Variants in COL5A1 observed in about 807,000 individuals in gnomAD.
COL5A1 encodes collagen alpha-1(V) chain.
Under a neutral mutation model 263.7 loss-of-function variants are expected in COL5A1, and 16 were observed. The ratio of observed to expected loss-of-function variants is 0.06; its 90% confidence interval spans 0.04 to 0.09. The LOEUF is 0.09. Among genes scored for constraint, COL5A1 ranks in the 10% least tolerant of loss-of-function variants. The probability of loss-of-function intolerance (pLI) is 1.00; values close to 1 mark genes in which losing one functional copy is unlikely to be tolerated. For synonymous variants in COL5A1, 1,012 were observed against 1,004.5 expected, an observed-to-expected ratio of 1.01 and a Z score of -0.14; for missense variants, 2,036 against 2,540.5, an observed-to-expected ratio of 0.80 and a Z score of 4.27.
chr9:134,646,547 C>T (rs1054217699), intron 1 of COL5A1, among the ~76,000 whole-genome samples: 11 of 152,316 alleles, frequency 7.2e-5, no homozygotes, highest in African/African-American at 2.4e-4. Flanking sequence ...TTGGCAGGTG[C>T]TCCCAGTATC....
At chr9:134,777,779 G>A (rs757127525) in intron 27 of COL5A1, among the ~76,000 whole-genome samples, 1 of 152,200 alleles carries the variant, frequency 6.6e-6, no homozygotes, top group Non-Finnish European at 1.5e-5. Flanking sequence ...CCCGGGTGCT[G>A]TGCCAGGGAG....
intron 31 of COL5A1, among the ~76,000 whole-genome samples, chr9:134,786,793 C>G (rs61596734): frequency 1.3e-5 from 2 of 152,258 alleles, no homozygotes; most frequent in South Asian, 4.1e-4. Flanking sequence ...ACAGCCGAAG[C>G]GGGGTCCCGT....
At chr9:134,778,133 GC>G (rs1473390081) in intron 27 of COL5A1, among the ~76,000 whole-genome samples, 6 of 152,208 alleles carry the variant, frequency 3.9e-5, no homozygotes, top group Non-Finnish European at 8.8e-5. Context: ...GTTTTCTGGG[GC>G]CCCCAGCTCT....
intron 19 of COL5A1, 81 bp downstream of exon 19, chr9:134,762,059 G>A (rs1836467399): frequency 3.4e-6 from 5 of 1,472,132 alleles, no homozygotes; most frequent in Non-Finnish European, 4.7e-6. Context: ...CAGAAGAGAG[G>A]CCCAGGTGTG....
chr9:134,826,804 G>A (rs1182580457), intron 63 of COL5A1, among the ~76,000 whole-genome samples: 1 of 149,842 alleles, frequency 6.7e-6, no homozygotes, highest in Non-Finnish European at 1.5e-5. Context: ...TGTGGCTGGT[G>A]CAGGTGTGTG....
At position 134,661,431 on chromosome 9, in the gene COL5A1, G is replaced by A. The variant is rs77361661; in HGVS notation, c.109+19135G>A. 5.9e-3 allele frequency among the ~76,000 whole-genome samples: 899 copies of A among 151,944 alleles called. 5 individuals are homozygous for A. Among genetic ancestry groups the A allele is most frequent in the Non-Finnish European group, 8.7e-3 (594 of 67,976 alleles). ...ACAGGAGCCTCCAGTCCTGTGGGCA[G>A]ATGCTGACGGATGGGCTGATGGCTC... is the stretch of plus-strand genomic sequence containing the variant. On this transcript the variant is annotated intron_variant, in intron 1 of 65. Transcript: ENST00000371817.
intron 4 of COL5A1, chr9:134,708,657 C>T (rs763856269): frequency 7.7e-6 from 4 of 518,538 alleles, no homozygotes; most frequent in African/African-American, 1.9e-5. Flanking sequence ...GGCCCCTTGT[C>T]GTGTCTTCAG....
Position 134,753,713 on chromosome 9 carries a change from AGGTCGCGCTTTGTGTGCTGAGCACCG to A in COL5A1, c.1720-136_1720-111del. 2.3e-5 allele frequency: 16 copies of A among 692,202 alleles called. No individual in the cohort carries two copies. The South Asian group carries it at 2.4e-4, about 11-fold the overall frequency. The allele number at this position is 692,202 out of a possible 1,614,324, so 42.9% of individuals were successfully genotyped here. On this transcript the variant is annotated intron_variant, in intron 14 of 65. Coordinates refer to ENST00000371817, the MANE Select transcript of COL5A1 (RefSeq NM_000093.5). ...CCCCCCGGTTCTGTTCGAGGCAGAC[AGGTCGCGCTTTGTGTGCTGAGCACCG>A]TGGCCGAAGCCCTGTCCCCTCCCCC...
chr9:134,778,462 C>G (rs1195979501), intron 27 of COL5A1, among the ~76,000 whole-genome samples: 1 of 152,356 alleles, frequency 6.6e-6, no homozygotes, highest in African/African-American at 2.4e-5. Flanking sequence ...CGCTTCCTCT[C>G]CATCTTGAGG....
chr9:134,791,722 C>T (rs1837697493), intron 32 of COL5A1, among the ~76,000 whole-genome samples: 1 of 143,794 alleles, frequency 7.0e-6, no homozygotes, highest in Non-Finnish European at 1.5e-5. Flanking sequence ...CAGGTTTCGC[C>T]CTTGGCCGCC....
intron 9 of COL5A1, among the ~76,000 whole-genome samples, chr9:134,734,343 G>A (rs3109680): frequency 0.57 from 86,338 of 150,676 alleles, 25,941 homozygotes; most frequent in African/African-American, 0.77. Context: ...AGCCGTCTGG[G>A]TGCAGTTAGG....
chr9:134,728,861 AG>A, intron 6 of COL5A1, 54 bp downstream of exon 6: 1 of 1,610,532 alleles, frequency 6.2e-7, no homozygotes, highest in South Asian at 1.1e-5. Flanking sequence ...GCCATGGTGC[AG>A]GGGAGGGCGA....
chr9:134,753,981 C>A, intron 15 of COL5A1, 78 bp downstream of exon 15: 1 of 1,244,114 alleles, frequency 8.0e-7, no homozygotes, highest in East Asian at 2.3e-5. Flanking sequence ...CATGGAGGGA[C>A]CCCAACTGCT....
chr9:134,806,345 G>A (rs201059243), intron 42 of COL5A1, 49 bp downstream of exon 42: 1 of 1,327,040 alleles, frequency 7.5e-7, no homozygotes, highest in Non-Finnish European at 1.1e-6. Context: ...AGATGCTGGG[G>A]TCGTTCCGTG....
chr9:134,818,936 G>A lies in COL5A1; in HGVS notation c.4392+35G>A. 4 of 1,613,112 alleles carry A rather than the reference G, an allele frequency of 2.5e-6. No homozygotes were observed. Among genetic ancestry groups the A allele is most frequent in the South Asian group, 1.1e-5 (1 of 91,080 alleles). On this transcript the variant is annotated intron_variant, in intron 56 of 65. Transcript: ENST00000371817. The surrounding 1 kb of genome is among the most constrained non-coding windows in gnomAD (Gnocchi z 6.0). ...ATTCCTCATGGTGAGCATAGCGGGT[G>A]GGATGACTTCGCCACCCAAAGCCCC...
chr9:134,745,364 C>T (rs2132669315), intron 11 of COL5A1, among the ~76,000 whole-genome samples: 1 of 152,294 alleles, frequency 6.6e-6, no homozygotes, highest in Non-Finnish European at 1.5e-5. Context: ...GTGCACTATG[C>T]TGTAGGACCC....
At chr9:134,828,160 G>A (rs945527068) in intron 63 of COL5A1, among the ~76,000 whole-genome samples, 1 of 152,172 alleles carries the variant, frequency 6.6e-6, no homozygotes, top group South Asian at 2.1e-4. Flanking sequence ...GGCTCCCCTT[G>A]TCCTGTTTTT....
At chr9:134,771,779 G>C (rs1049180380) in intron 25 of COL5A1, among the ~76,000 whole-genome samples, 1 of 152,178 alleles carries the variant, frequency 6.6e-6, no homozygotes, top group African/African-American at 2.4e-5. Context: ...CACACAGCAG[G>C]TTGAGTGTGT....
rs937681152 is a variant in COL5A1, at chr9:134,789,979, G to A, written c.2700+771G>A. 6.6e-6 allele frequency among the ~76,000 whole-genome samples: 1 copy of A among 152,196 alleles called. No homozygotes were observed. Among genetic ancestry groups the A allele is most frequent in the Non-Finnish European group, 1.5e-5 (1 of 68,032 alleles). Reference sequence around the variant, plus strand: ...CAGTCTGTGGTGTACATGCAGGACAGCATCTGCAGAGCAGGCCTGGGGGAC... The same window carrying A: ...CAGTCTGTGGTGTACATGCAGGACAACATCTGCAGAGCAGGCCTGGGGGAC... On this transcript the variant is annotated intron_variant, in intron 32 of 65. Transcript: ENST00000371817. The surrounding 1 kb of genome is among the most constrained non-coding windows in gnomAD (Gnocchi z 4.8).
Sources: gnomAD v4.1 joint callset for allele counts (sites outside exome capture counted in the v4.1 genomes callset) on GRCh38, gnomAD v4.1.1 for gene constraint, Gnocchi (gnomAD v3.1) non-coding constraint, MANE v1.5 for transcripts, NCBI Gene and HGNC (gene_info 2026-07-23, HGNC 2026-07-21) for gene names.